Variants in ADCK1 observed in about 807,000 individuals in gnomAD.
The protein encoded by ADCK1 is aarF domain-containing protein kinase 1.
A neutral mutation model predicts 52.3 loss-of-function variants in ADCK1; 41 were observed. That is an observed-to-expected ratio of 0.78 (90% CI 0.61 to 1.02). The LOEUF is 1.02. Among genes scored for constraint, ADCK1 ranks in the 50% least tolerant of loss-of-function variants. ADCK1 has a pLI of 0.00. For synonymous variants in ADCK1, 250 were observed against 274.6 expected, an observed-to-expected ratio of 0.91 and a Z score of 0.89; for missense variants, 658 against 679.5, an observed-to-expected ratio of 0.97 and a Z score of 0.35.
chr14:77,809,966 A>G (rs1340675101), intron 1 of ADCK1, among the ~76,000 whole-genome samples: 3 of 140,072 alleles, frequency 2.1e-5, no homozygotes, highest in African/African-American at 8.0e-5. Flanking sequence ...TGAGCCCAGG[A>G]GGCGGAGGCT....
intron 9 of ADCK1, among the ~76,000 whole-genome samples, chr14:77,930,616 C>T (rs1488912505): frequency 1.3e-5 from 2 of 152,154 alleles, no homozygotes; most frequent in Non-Finnish European, 2.9e-5. Flanking sequence ...GGGTTCACGT[C>T]CCATCTCACC....
At chr14:77,854,254 A>T (rs1387905468) in intron 3 of ADCK1, among the ~76,000 whole-genome samples, 4 of 152,106 alleles carry the variant, frequency 2.6e-5, no homozygotes, top group African/African-American at 9.7e-5. Flanking sequence ...AAGTTTGAAG[A>T]GCCTGTTGGA....
intron 4 of ADCK1, among the ~76,000 whole-genome samples, chr14:77,867,001 C>A (rs2082675548): frequency 2.0e-5 from 3 of 152,226 alleles, no homozygotes; most frequent in Admixed American, 2.0e-4. Flanking sequence ...CCCCATCCTC[C>A]TCTTATTTAC....
At chr14:77,922,950 G>A (rs1328042937) in intron 7 of ADCK1, among the ~76,000 whole-genome samples, 1 of 152,212 alleles carries the variant, frequency 6.6e-6, no homozygotes, top group Admixed American at 6.5e-5. Context: ...AAAACAGAGA[G>A]ATGAGGGTCT....
Position 77,842,448 on chromosome 14 carries a change from TTTCCTTCCTTCCTTCCTTCC to T in ADCK1, c.220-16580_220-16561del, listed in dbSNP as rs746756710. ...CCCTGTATCTTTCAGGGTATTTTTT[TTTCCTTCCTTCCTTCCTTCC>T]TTCCTTCCTTCCTTCCTTCCTTCCT... On this transcript the variant is annotated intron_variant, in intron 3 of 10. Transcript: ENST00000238561. Among the ~76,000 whole-genome samples the T allele has an allele frequency of 1.7e-3, 153 of 92,280 alleles. 4 individuals carry two copies. Among genetic ancestry groups the T allele is most frequent in the African/African-American group, 3.1e-3 (85 of 27,486 alleles). The allele number at this position is 92,280 out of a possible 152,430, so 60.5% of individuals were successfully genotyped here.
chr14:77,876,915 A>G (rs6574409), intron 4 of ADCK1, among the ~76,000 whole-genome samples: 130,546 of 152,286 alleles, frequency 0.86, 56,108 homozygotes, highest in Middle Eastern at 0.93. Context: ...ACATCCTTGC[A>G]TGTACAAAGA....
intron 7 of ADCK1, among the ~76,000 whole-genome samples, chr14:77,912,491 A>C (rs988035814): frequency 1.3e-5 from 2 of 149,864 alleles, no homozygotes; most frequent in African/African-American, 4.9e-5. Flanking sequence ...GAAAGAGTCC[A>C]CAATCCTGAA....
intron 7 of ADCK1, chr14:77,914,480 C>T: frequency 3.0e-6 from 3 of 985,456 alleles, no homozygotes; most frequent in Non-Finnish European, 3.6e-6. Context: ...CAAATGATTT[C>T]TCGAGCAGCT....
chr14:77,842,510 T>C (rs1183072056), intron 3 of ADCK1, among the ~76,000 whole-genome samples: 2 of 141,756 alleles, frequency 1.4e-5, no homozygotes, highest in Non-Finnish European at 3.1e-5. Flanking sequence ...CTTCCTTCCT[T>C]CCTTCATTTC....
chr14:77,850,644 A>G (rs941422935), intron 3 of ADCK1, among the ~76,000 whole-genome samples: 3 of 128,730 alleles, frequency 2.3e-5, no homozygotes, highest in Admixed American at 2.0e-4. Flanking sequence ...TTGGCATGAT[A>G]TATCTTTTTT....
intron 3 of ADCK1, among the ~76,000 whole-genome samples, chr14:77,829,149 A>C (rs2140057660): frequency 6.6e-6 from 1 of 151,386 alleles, no homozygotes; most frequent in East Asian, 2.0e-4. Flanking sequence ...TGGTATTTAG[A>C]AACCAAGTTG....
intron 5 of ADCK1, among the ~76,000 whole-genome samples, chr14:77,890,305 G>A (rs1595030446): frequency 6.6e-6 from 1 of 152,172 alleles, no homozygotes; most frequent in East Asian, 1.9e-4. Flanking sequence ...CTGGGGCTGT[G>A]GGCCAGGGCC....
intron 4 of ADCK1, among the ~76,000 whole-genome samples, chr14:77,882,963 C>CA (rs1424387334): frequency 2.6e-4 from 36 of 136,012 alleles, no homozygotes; most frequent in African/African-American, 9.1e-4. Context: ...ACCACCCCCC[C>CA]CCCCGTGCTT....
At chr14:77,869,744 G>A (rs1375498152) in intron 4 of ADCK1, among the ~76,000 whole-genome samples, 1 of 152,178 alleles carries the variant, frequency 6.6e-6, no homozygotes, top group Non-Finnish European at 1.5e-5. Context: ...GGTGTCTTCT[G>A]GGACTCTTGT....
chr14:77,841,451 A>G (rs4393507), intron 3 of ADCK1, among the ~76,000 whole-genome samples: 56,231 of 151,804 alleles, frequency 0.37, 11,550 homozygotes, highest in Admixed American at 0.51. Context: ...GGGGAAAAAA[A>G]ACTCTATATA....
intron 3 of ADCK1, 22 bp from the exon 4 acceptor site, chr14:77,859,054 G>A: frequency 3.2e-6 from 5 of 1,580,738 alleles, no homozygotes; most frequent in Non-Finnish European, 3.4e-6. Context: ...CACCTCTCTG[G>A]TCCTGGCCTG....
intron 3 of ADCK1, among the ~76,000 whole-genome samples, chr14:77,857,964 A>C (rs1470509430): frequency 6.6e-6 from 1 of 152,134 alleles, no homozygotes; most frequent in African/African-American, 2.4e-5. Flanking sequence ...TCATAGTACC[A>C]AGGCCCTCAA....
chr14:77,910,940 C>A (rs959268490), intron 7 of ADCK1, among the ~76,000 whole-genome samples: 4 of 152,188 alleles, frequency 2.6e-5, no homozygotes, highest in Non-Finnish European at 4.4e-5. Flanking sequence ...AATGGGTAAA[C>A]AAACCAGCCT....
intron 1 of ADCK1, among the ~76,000 whole-genome samples, chr14:77,815,199 C>CTTTTTTT (rs56211176): frequency 7.7e-6 from 1 of 129,442 alleles, no homozygotes; most frequent in Non-Finnish European, 1.6e-5. Flanking sequence ...TTTGTTTTGT[C>CTTTTTTT]TTTTTTTTTT....
Sources: gnomAD v4.1 joint callset for allele counts (sites outside exome capture counted in the v4.1 genomes callset) on GRCh38, gnomAD v4.1.1 for gene constraint, MANE v1.5 for transcripts, NCBI Gene and HGNC (gene_info 2026-07-23, HGNC 2026-07-21) for gene names.